ADGRG6: variants seen among roughly 807,000 people sequenced by gnomAD.
The protein encoded by ADGRG6 is adhesion G protein-coupled receptor G6.
Under a neutral mutation model 142.4 loss-of-function variants are expected in ADGRG6, and 84 were observed. That is an observed-to-expected ratio of 0.59 (90% CI 0.49 to 0.71). The LOEUF is 0.71. Among genes scored for constraint, ADGRG6 ranks in the 30% least tolerant of loss-of-function variants. The pLI, the probability that ADGRG6 is intolerant of heterozygous loss-of-function variation, is 0.00. For synonymous variants in ADGRG6, 521 were observed against 520.5 expected (o/e 1.00, Z -0.01); for missense variants, 1,367 against 1,466.6 (o/e 0.93, Z 1.11).
intron 13 of ADGRG6, among the ~76,000 whole-genome samples, chr6:142,403,317 TTAA>T (rs1428068066): frequency 6.6e-6 from 1 of 152,110 alleles, no homozygotes; most frequent in Non-Finnish European, 1.5e-5. Context: ...ATTAAAATAT[TTAA>T]TGTTTTTCTA....
chr6:142,374,576 C>T (rs368764708), intron 4 of ADGRG6, among the ~76,000 whole-genome samples: 1 of 152,132 alleles, frequency 6.6e-6, no homozygotes, highest in Non-Finnish European at 1.5e-5. Context: ...ACTCCAGCCC[C>T]CTTTTTGTCT....
At chr6:142,322,553 T>C (rs968571358) in intron 2 of ADGRG6, among the ~76,000 whole-genome samples, 1 of 152,146 alleles carries the variant, frequency 6.6e-6, no homozygotes, top group African/African-American at 2.4e-5. Flanking sequence ...GCCTGAAGGC[T>C]CTTTTCCTTG....
At chr6:142,346,897 G>A (rs939973606) in intron 2 of ADGRG6, among the ~76,000 whole-genome samples, 1 of 151,702 alleles carries the variant, frequency 6.6e-6, no homozygotes, top group African/African-American at 2.4e-5. Flanking sequence ...CTAGGGGAGG[G>A]ATACTATTAG....
rs574157602 is a variant in ADGRG6, at chr6:142,440,949, C to T, written c.3575-2388C>T. The T allele has an allele frequency of 2.2e-5, 32 of 1,485,268 alleles. 1 individual carries two copies. The South Asian group carries it at 4.1e-4, about 19-fold the overall frequency. The allele number at this position is 1,485,268 out of a possible 1,614,324, so 92.0% of individuals were successfully genotyped here. On this transcript the variant is annotated intron_variant, in intron 24 of 24. Coordinates refer to ENST00000367609, the MANE Select transcript of ADGRG6 (RefSeq NM_198569.3). ...GCATTCCTTCAACAAAAGTGGATCACTCAGGTAAACTTTCGTTACTTTTTT... is the reference window on the plus strand; with the variant it reads ...GCATTCCTTCAACAAAAGTGGATCATTCAGGTAAACTTTCGTTACTTTTTT...
chr6:142,313,938 G>A (rs1322640397), intron 2 of ADGRG6, among the ~76,000 whole-genome samples: 1 of 151,998 alleles, frequency 6.6e-6, no homozygotes, highest in Non-Finnish European at 1.5e-5. Context: ...TGTCTTAAAG[G>A]TCAAAAATAA....
intron 11 of ADGRG6, among the ~76,000 whole-genome samples, chr6:142,401,629 T>G (rs1004097209): frequency 1.3e-5 from 2 of 152,132 alleles, no homozygotes; most frequent in African/African-American, 4.8e-5. Context: ...ATATCATTTA[T>G]AGGAAAACAG....
intron 22 of ADGRG6, among the ~76,000 whole-genome samples, chr6:142,420,545 A>G (rs1345487307): frequency 3.9e-5 from 6 of 152,288 alleles, no homozygotes; most frequent in African/African-American, 7.2e-5. Flanking sequence ...TTTAGAGTCT[A>G]TGTAAGAACA....
chr6:142,398,188 A>G (rs1465492917), intron 10 of ADGRG6, among the ~76,000 whole-genome samples: 2 of 152,170 alleles, frequency 1.3e-5, no homozygotes, highest in African/African-American at 4.8e-5. Context: ...GCACTTTGGG[A>G]GGCCAAGGTG....
At chr6:142,403,071 A>G (rs1333294703) in intron 13 of ADGRG6, among the ~76,000 whole-genome samples, 1 of 151,790 alleles carries the variant, frequency 6.6e-6, no homozygotes, top group Non-Finnish European at 1.5e-5. Context: ...GCAGTCTTTC[A>G]TTTTTTATTT....
chr6:142,306,198 A>C (rs1777487425), intron 1 of ADGRG6, among the ~76,000 whole-genome samples: 1 of 152,134 alleles, frequency 6.6e-6, no homozygotes, highest in African/African-American at 2.4e-5. Flanking sequence ...TTAAATTGTG[A>C]CTTTTGGGGA....
At chr6:142,428,039 T>A (rs559002117) in intron 22 of ADGRG6, among the ~76,000 whole-genome samples, 1 of 152,270 alleles carries the variant, frequency 6.6e-6, no homozygotes, top group South Asian at 2.1e-4. Context: ...TTGATAGATT[T>A]CTTGTCACAT....
At chr6:142,433,554 C>G (rs1042853415) in intron 22 of ADGRG6, among the ~76,000 whole-genome samples, 1 of 152,146 alleles carries the variant, frequency 6.6e-6, no homozygotes. Context: ...GCCTGCAAAG[C>G]CTGCTCTGAG....
rs368076618 is a variant in ADGRG6, at chr6:142,349,870, A to G, written c.104-17699A>G. 1.4e-4 allele frequency among the ~76,000 whole-genome samples: 22 copies of G among 152,332 alleles called. No individual in the cohort carries two copies. The South Asian group carries it at 4.6e-3, about 32-fold the overall frequency. ...TTCATAAAGCTGCTCTTTAGGTAGC[A>G]TAAATGGTGGAGGGTGGATTTTCTA... On this transcript the variant is annotated intron_variant, in intron 2 of 24. Coordinates refer to ENST00000367609, the MANE Select transcript of ADGRG6 (RefSeq NM_198569.3).
intron 21 of ADGRG6, among the ~76,000 whole-genome samples, chr6:142,418,295 TAAAA>T (rs541243272): frequency 1.3e-5 from 1 of 79,784 alleles, no homozygotes; most frequent in Non-Finnish European, 2.5e-5. Context: ...AGACTCCATC[TAAAA>T]AAAAAAAAAA....
At chr6:142,386,517 G>A (rs907359661) in intron 6 of ADGRG6, among the ~76,000 whole-genome samples, 5 of 152,106 alleles carry the variant, frequency 3.3e-5, no homozygotes, top group African/African-American at 9.7e-5. Context: ...TCTTAGTGGC[G>A]GTGGTGGGTT....
chr6:142,324,931 A>G (rs1187980245), intron 2 of ADGRG6, among the ~76,000 whole-genome samples: 1 of 152,138 alleles, frequency 6.6e-6, no homozygotes, highest in South Asian at 2.1e-4. Flanking sequence ...AGACATTTAT[A>G]ATTAAGGCAA....
At position 142,397,677 on chromosome 6, in the gene ADGRG6, A is replaced by G. The variant is rs1230883078; in HGVS notation, c.1489A>G (p.Ile497Val). Residue 497 changes from isoleucine (I) to valine (V), a missense_variant, in exon 10 of 25, where the codon ATT becomes GTT. Transcript: ENST00000367609. ...CAATACTAATTTGGAAGGAAAAATC[A>G]TTCAGCAGAAGCTCCTAAAAAATAA... ...TNNTNLEGKI[I>V]QQKLLKNNES... 1 of 1,607,884 alleles carries G rather than the reference A, an allele frequency of 6.2e-7. No homozygotes were observed. The highest frequency in any genetic ancestry group is 8.5e-7 in the Non-Finnish European group (1 of 1,175,850).
intron 22 of ADGRG6, among the ~76,000 whole-genome samples, chr6:142,423,580 G>A (rs1459299909): frequency 5.4e-4 from 79 of 147,224 alleles, no homozygotes; most frequent in Non-Finnish European, 6.0e-5. Context: ...TAGCCTTGTA[G>A]TATAGTTTGA....
intron 2 of ADGRG6, among the ~76,000 whole-genome samples, chr6:142,349,032 C>T (rs1213128708): frequency 2.0e-5 from 3 of 152,164 alleles, no homozygotes; most frequent in Non-Finnish European, 4.4e-5. Context: ...AGCATTAATG[C>T]TGAGATATTA....
Sources: allele counts gnomAD v4.1 joint callset (sites outside exome capture counted in the v4.1 genomes callset), GRCh38; gene constraint gnomAD v4.1.1; transcripts MANE v1.5; gene names NCBI Gene and HGNC (gene_info 2026-07-23, HGNC 2026-07-21).